The following BCAR3 variants were observed in gnomAD, a reference collection of about 807,000 sequenced individuals.
The protein encoded by BCAR3 is breast cancer anti-estrogen resistance protein 3.
In BCAR3, 37 loss-of-function variants were observed where a neutral mutation model predicts 80.1. The ratio of observed to expected loss-of-function variants is 0.46; its 90% CI spans 0.36 to 0.61. BCAR3 has a LOEUF of 0.61. Ranked by LOEUF, BCAR3 falls within the 20% of genes least tolerant of loss-of-function variation. The pLI, the probability that BCAR3 is intolerant of heterozygous loss-of-function variation, is 0.00. For synonymous variants in BCAR3, 389 were observed against 418.9 expected (o/e 0.93, Z 0.87); for missense variants, 978 against 1,068.2 (o/e 0.92, Z 1.18).
Position 93,613,760 on chromosome 1 carries a change from C to T in BCAR3, c.358-21367G>A, listed in dbSNP as rs754574108. ...GTTTTCACAATCAGCAAGCTGCAAA[C>T]TTTTATCTATTGCCCTTTAGGAAAC... On this transcript the variant is annotated intron_variant, in intron 3 of 11. Coordinates refer to ENST00000260502, the MANE Select transcript of BCAR3 (RefSeq NM_003567.4). 1,048 of 1,468,238 alleles carry T rather than the reference C, an allele frequency of 7.1e-4. 1 individual carries two copies. The highest frequency in any genetic ancestry group is 8.9e-4 in the Non-Finnish European group (971 of 1,086,036). 91.0% of individuals were successfully genotyped at this position (1,468,238 alleles called of 1,614,324 possible).
intron 8 of BCAR3, among the ~76,000 whole-genome samples, chr1:93,572,822 A>C (rs1055818251): frequency 2.0e-5 from 3 of 152,112 alleles, no homozygotes; most frequent in Non-Finnish European, 2.9e-5. Context: ...TTACGATGTT[A>C]CTCCACGCTG....
At chr1:93,562,649 T>C (rs1234893964) in intron 11 of BCAR3, among the ~76,000 whole-genome samples, 1 of 151,244 alleles carries the variant, frequency 6.6e-6, no homozygotes, top group African/African-American at 2.4e-5. Flanking sequence ...CGAGCGCCTG[T>C]AGTCCCAGCT....
chr1:93,576,193 G>A lies in BCAR3; in HGVS notation c.1687-64C>T, dbSNP rs140472938. The A allele has an allele frequency of 6.0e-5, 75 of 1,255,512 alleles. No homozygotes were observed. In the Admixed American group the frequency reaches 1.2e-3, roughly 21 times the overall value. 77.8% of individuals were successfully genotyped at this position (1,255,512 alleles called of 1,614,324 possible). On this transcript the variant is annotated intron_variant, in intron 7 of 11. Transcript: ENST00000260502. The stretch of plus-strand genomic sequence containing the variant: ...GTGGGCTTGCCTGATCATGAATTCA[G>A]CATATGAGAAGAAACACACTGAACT...
At chr1:93,807,915 G>A (rs1653708604) in intron 2 of BCAR3, among the ~76,000 whole-genome samples, 1 of 151,906 alleles carries the variant, frequency 6.6e-6, no homozygotes, top group South Asian at 2.1e-4. Context: ...CAGACCTGTA[G>A]TCCCAGCTAC....
chr1:93,570,796 A>G (rs559224259), intron 9 of BCAR3, among the ~76,000 whole-genome samples: 1 of 152,342 alleles, frequency 6.6e-6, no homozygotes, highest in Non-Finnish European at 1.5e-5. Flanking sequence ...CTTTAGCCAG[A>G]TGTCTCATCC....
chr1:93,766,095 C>T (rs1159389911), intron 2 of BCAR3, among the ~76,000 whole-genome samples: 1 of 152,202 alleles, frequency 6.6e-6, no homozygotes, highest in Non-Finnish European at 1.5e-5. Context: ...CTTTCCCCTT[C>T]TGCCAATCGC....
chr1:93,783,696 A>T (rs1024251077), intron 2 of BCAR3, among the ~76,000 whole-genome samples: 1 of 152,260 alleles, frequency 6.6e-6, no homozygotes, highest in Non-Finnish European at 1.5e-5. Context: ...AGCGTAAAAC[A>T]TGCAAAATTA....
chr1:93,696,938 T>C (rs545476094), intron 3 of BCAR3, among the ~76,000 whole-genome samples: 5 of 152,338 alleles, frequency 3.3e-5, no homozygotes, highest in African/African-American at 1.2e-4. Flanking sequence ...TTGAAGACTG[T>C]TTTAAGGTGT....
upstream of BCAR3, among the ~76,000 whole-genome samples, chr1:93,683,903 T>C (rs1648886738): frequency 6.6e-6 from 1 of 152,208 alleles, no homozygotes; most frequent in Non-Finnish European, 1.5e-5. Context: ...GATTTGTGCA[T>C]GACTCTGCTT....
At chr1:93,623,541 A>G (rs1675373148) in intron 3 of BCAR3, among the ~76,000 whole-genome samples, 1 of 152,196 alleles carries the variant, frequency 6.6e-6, no homozygotes, top group African/African-American at 2.4e-5. Flanking sequence ...ATATAAGCCT[A>G]GAGCAGCCCA....
At chr1:93,566,460 C>T (rs555464960) in intron 11 of BCAR3, among the ~76,000 whole-genome samples, 6 of 152,256 alleles carry the variant, frequency 3.9e-5, no homozygotes, top group Admixed American at 2.6e-4. Context: ...CACGGTGCCG[C>T]GCGCATGCCA....
rs1235363247 is a variant in BCAR3, at chr1:93,584,095, G to A, written c.956C>T (p.Pro319Leu). The A allele has an allele frequency of 8.7e-6, 14 of 1,614,124 alleles. No homozygotes were observed. Among genetic ancestry groups the A allele is most frequent in the African/African-American group, 1.3e-5 (1 of 75,018 alleles). ...LRNKEKSGSQ[P>L]ACLDHMQDRR... is the part of the protein sequence containing the mutation. ...GTCCTGCATGTGATCCAGGCAGGCG[G>A]GCTGGCTACCACTCTTTTCTTTGTT... is the stretch of plus-strand genomic sequence containing the variant. The change falls in exon 6 of 12, where the codon CCC (proline) becomes CTC (leucine). Residue 319 changes from proline (P) to leucine (L), a missense_variant. Transcript: ENST00000260502.
intron 11 of BCAR3, among the ~76,000 whole-genome samples, chr1:93,564,254 G>T (rs1176000906): frequency 6.7e-6 from 1 of 148,598 alleles, no homozygotes; most frequent in African/African-American, 2.5e-5. Context: ...TTCTGCTGTG[G>T]TTCATGCTTT....
intron 2 of BCAR3, among the ~76,000 whole-genome samples, chr1:93,716,358 C>T (rs200886900): frequency 2.0e-5 from 3 of 152,260 alleles, no homozygotes; most frequent in South Asian, 2.1e-4. Flanking sequence ...CTGAAGTCAG[C>T]GGAACTGGGT....
intron 3 of BCAR3, among the ~76,000 whole-genome samples, chr1:93,603,173 T>A (rs902993286): frequency 3.3e-5 from 5 of 152,140 alleles, no homozygotes; most frequent in Admixed American, 2.0e-4. Context: ...GAGAAAAAAA[T>A]TCATATTTTA....
intron 2 of BCAR3, among the ~76,000 whole-genome samples, chr1:93,666,229 TA>T (rs2101937315): frequency 6.6e-6 from 1 of 152,246 alleles, no homozygotes; most frequent in South Asian, 2.1e-4. Flanking sequence ...TGCTAGCCAA[TA>T]AAAACACAAC....
chr1:93,608,559 G>A (rs1320666586), intron 3 of BCAR3, among the ~76,000 whole-genome samples: 3 of 152,210 alleles, frequency 2.0e-5, no homozygotes, highest in Admixed American at 6.5e-5. Context: ...CTGCAGTCCT[G>A]GAGGTGCTGA....
chr1:93,730,365 G>C (rs1230748675), intron 2 of BCAR3, among the ~76,000 whole-genome samples: 1 of 152,138 alleles, frequency 6.6e-6, no homozygotes, highest in African/African-American at 2.4e-5. Context: ...TGGGCTGACA[G>C]TGGGTGTGCA....
chr1:93,671,538 T>C (rs1289116143), intron 2 of BCAR3, among the ~76,000 whole-genome samples: 9 of 152,172 alleles, frequency 5.9e-5, no homozygotes. Flanking sequence ...CACTGTCAAC[T>C]GAAATTAACC....
Sources: gnomAD v4.1 joint callset for allele counts (sites outside exome capture counted in the v4.1 genomes callset) on GRCh38, gnomAD v4.1.1 for gene constraint, MANE v1.5 for transcripts, NCBI Gene and HGNC (gene_info 2026-07-23, HGNC 2026-07-21) for gene names.